The following WDR70 variants were observed in gnomAD, a reference collection of about 807,000 sequenced individuals.
The protein encoded by WDR70 is WD repeat domain 70, also known as WD repeat-containing protein 70.
A neutral mutation model predicts 88.6 loss-of-function variants in WDR70; 53 were observed. That is an observed-to-expected ratio of 0.60 (90% CI 0.48 to 0.75). The LOEUF (loss-of-function observed/expected upper bound fraction) is 0.75. Ranked by LOEUF, WDR70 falls within the 30% of genes least tolerant of loss-of-function variation. The probability of loss-of-function intolerance (pLI) is 0.00; values close to 1 mark genes in which losing one functional copy is unlikely to be tolerated. For missense variants in WDR70, 610 were observed against 823.2 expected, an observed-to-expected ratio of 0.74 and a Z score of 3.17; for synonymous variants, 280 against 270.0, an observed-to-expected ratio of 1.04 and a Z score of -0.36.
intron 16 of WDR70, 88 bp from the exon 17 acceptor site, chr5:37,726,795 T>C (rs1371485830): frequency 7.8e-7 from 1 of 1,285,744 alleles, no homozygotes; most frequent in Middle Eastern, 2.9e-4. Flanking sequence ...TTGAGATTTG[T>C]GCTCAGATAA....
chr5:37,483,068 TAA>T (rs1233335964), intron 8 of WDR70, among the ~76,000 whole-genome samples: 25 of 137,434 alleles, frequency 1.8e-4, no homozygotes, highest in Non-Finnish European at 2.1e-4. Context: ...TCTCTTAATT[TAA>T]AAAAAAAAAA....
intron 13 of WDR70, among the ~76,000 whole-genome samples, chr5:37,717,671 T>C (rs1561088793): frequency 6.6e-6 from 1 of 152,190 alleles, no homozygotes; most frequent in African/African-American, 2.4e-5. Flanking sequence ...AAAGCCGGTA[T>C]GTATGTTTGA....
intron 10 of WDR70, among the ~76,000 whole-genome samples, chr5:37,617,232 A>C (rs993064823): frequency 1.3e-5 from 2 of 152,214 alleles, no homozygotes; most frequent in African/African-American, 4.8e-5. Context: ...GCATCTAGTT[A>C]GTTTTGGAGC....
At chr5:37,632,606 AGAGT>A (rs977347666) in intron 10 of WDR70, among the ~76,000 whole-genome samples, 4 of 152,232 alleles carry the variant, frequency 2.6e-5, no homozygotes, top group African/African-American at 9.6e-5. Context: ...AAAAGTTTAT[AGAGT>A]AAGGATATAA....
At chr5:37,487,627 A>ATATATAT (rs1317924512) in intron 8 of WDR70, among the ~76,000 whole-genome samples, 4 of 69,068 alleles carry the variant, frequency 5.8e-5, no homozygotes, top group Admixed American at 1.6e-4. Context: ...ATATATATGT[A>ATATATAT]TTTTTTTTTT....
At chr5:37,695,281 C>G (rs1283761911) in intron 10 of WDR70, among the ~76,000 whole-genome samples, 1 of 152,196 alleles carries the variant, frequency 6.6e-6, no homozygotes, top group South Asian at 2.1e-4. Flanking sequence ...CCTCTGTGAT[C>G]TAGTCACCTC....
intron 5 of WDR70, among the ~76,000 whole-genome samples, chr5:37,429,748 G>T (rs1375717682): frequency 6.6e-6 from 1 of 152,154 alleles, no homozygotes; most frequent in Non-Finnish European, 1.5e-5. Context: ...TACTGTCTTA[G>T]TTACTATAGC....
chr5:37,397,158 C>T (rs889472437), intron 5 of WDR70, among the ~76,000 whole-genome samples: 1 of 150,736 alleles, frequency 6.6e-6, no homozygotes, highest in Admixed American at 6.6e-5. Flanking sequence ...CCCAACCCCC[C>T]CGCAAAAAAC....
At chr5:37,630,136 T>G (rs1248988158) in intron 10 of WDR70, among the ~76,000 whole-genome samples, 1 of 152,186 alleles carries the variant, frequency 6.6e-6, no homozygotes, top group African/African-American at 2.4e-5. Context: ...CTGGGCTGTC[T>G]CTTAGGTTGG....
chr5:37,477,651 T>G (rs570528634), intron 7 of WDR70, among the ~76,000 whole-genome samples: 28 of 152,342 alleles, frequency 1.8e-4, no homozygotes, highest in African/African-American at 6.5e-4. Flanking sequence ...TGGTTATTCA[T>G]TGCCTCTTTT....
chr5:37,580,195 G>T (rs1743179387), intron 9 of WDR70, among the ~76,000 whole-genome samples: 1 of 151,778 alleles, frequency 6.6e-6, no homozygotes, highest in Non-Finnish European at 1.5e-5. Context: ...TCTACTCTTT[G>T]CATGTGAATC....
chr5:37,425,381 C>T (rs2366172), intron 5 of WDR70, among the ~76,000 whole-genome samples: 129,754 of 152,298 alleles, frequency 0.85, 59,090 homozygotes, highest in East Asian at 1. Context: ...TAAAATAGGG[C>T]GGTCAAGTTA....
At chr5:37,526,210 T>C (rs1272227000) in intron 9 of WDR70, among the ~76,000 whole-genome samples, 1 of 152,108 alleles carries the variant, frequency 6.6e-6, no homozygotes, top group African/African-American at 2.4e-5. Flanking sequence ...ATATCCCTGA[T>C]GAACATCAAT....
At chr5:37,476,832 C>G (rs763796911) in intron 7 of WDR70, among the ~76,000 whole-genome samples, 1 of 152,070 alleles carries the variant, frequency 6.6e-6, no homozygotes, top group Non-Finnish European at 1.5e-5. Context: ...GCCACTGTGC[C>G]TGGCCTTTTC....
intron 9 of WDR70, among the ~76,000 whole-genome samples, chr5:37,586,187 G>T (rs1200531513): frequency 6.6e-6 from 1 of 151,962 alleles, no homozygotes; most frequent in Non-Finnish European, 1.5e-5. Flanking sequence ...ATTCCCTTCT[G>T]TACTTAAATA....
chr5:37,728,275 G>C (rs1245805213), intron 17 of WDR70, among the ~76,000 whole-genome samples: 2 of 150,554 alleles, frequency 1.3e-5, no homozygotes, highest in African/African-American at 2.5e-5. Context: ...TTGAACCCGG[G>C]AGGTGGAGGT....
chr5:37,584,149 C>T (rs1743297632), intron 9 of WDR70, among the ~76,000 whole-genome samples: 1 of 152,156 alleles, frequency 6.6e-6, no homozygotes. Context: ...GTAGTACCTT[C>T]TTCAGAGAGT....
rs1215890074 is a variant in WDR70 at position 37,516,747 on chromosome 5, A to C, written c.917+157A>C. On this transcript the variant is annotated intron_variant, in intron 9 of 17. Coordinates refer to ENST00000265107, the MANE Select transcript of WDR70 (RefSeq NM_018034.4). Reference sequence around the variant, plus strand: ...TATATTTTTTTTTTTTTTAAGGGGGAGTCTTGCTCTGTTGCCCAGGCTGGA... The same window carrying C: ...TATATTTTTTTTTTTTTTAAGGGGGCGTCTTGCTCTGTTGCCCAGGCTGGA... 3.1e-5 allele frequency among the ~76,000 whole-genome samples: 4 copies of C among 130,606 alleles called. No individual in the cohort carries two copies. The East Asian group carries it at 8.6e-4, about 28-fold the overall frequency. 85.7% of individuals were successfully genotyped at this position (130,606 alleles called of 152,430 possible). A position where few individuals can be genotyped will look rare whatever the true frequency, so the allele number is the denominator to read the frequency against.
chr5:37,390,294 G>A (rs939899397), intron 3 of WDR70, among the ~76,000 whole-genome samples: 2 of 150,474 alleles, frequency 1.3e-5, no homozygotes, highest in Non-Finnish European at 3.0e-5. Context: ...GAAAGTAGAG[G>A]AATAAAAGAA....
Sources: gnomAD v4.1 joint callset for allele counts (sites outside exome capture counted in the v4.1 genomes callset) on GRCh38, gnomAD v4.1.1 for gene constraint, MANE v1.5 for transcripts, NCBI Gene and HGNC (gene_info 2026-07-23, HGNC 2026-07-21) for gene names.